Variants in TMEM131L observed in about 807,000 individuals in gnomAD.
The protein encoded by TMEM131L is transmembrane 131 like.
Under a neutral mutation model 192.2 loss-of-function variants are expected in TMEM131L, and 54 were observed. The observed-to-expected ratio is 0.28, with a 90% CI of 0.23 to 0.35. The LOEUF is 0.35. Among genes scored for constraint, TMEM131L ranks in the 10% least tolerant of loss-of-function variants. The pLI, the probability that TMEM131L is intolerant of heterozygous loss-of-function variation, is 1.00. For synonymous variants in TMEM131L, 701 were observed against 704.9 expected (o/e 0.99, Z 0.09); for missense variants, 1,888 against 1,972.9 (o/e 0.96, Z 0.82).
At chr4:153,622,108 A>G (rs1454786296) in intron 28 of TMEM131L, among the ~76,000 whole-genome samples, 3 of 152,176 alleles carry the variant, frequency 2.0e-5, no homozygotes. Context: ...TGCTGAAGGA[A>G]TGATGCTTGC....
At chr4:153,516,390 G>A (rs950780836) in intron 3 of TMEM131L, among the ~76,000 whole-genome samples, 1 of 151,878 alleles carries the variant, frequency 6.6e-6, no homozygotes. Context: ...CCACTGTGCC[G>A]GGCTAATTGT....
chr4:153,583,255 G>A lies in TMEM131L; in HGVS notation c.951+7G>A, dbSNP rs745566997. Reference sequence around the variant, plus strand: ...CAGCCTTATATGGATACAGGTAATTGTAAATGCTTACCTAAAGTAACTTTT... The same window carrying A: ...CAGCCTTATATGGATACAGGTAATTATAAATGCTTACCTAAAGTAACTTTT... On this transcript the variant is annotated splice_region_variant and intron_variant, in intron 10 of 34. Coordinates refer to ENST00000409959, the MANE Select transcript of TMEM131L (RefSeq NM_001131007.2). The A allele has an allele frequency of 1.5e-6, 2 of 1,325,056 alleles. No homozygotes were observed. Among genetic ancestry groups the A allele is most frequent in the Admixed American group, 1.7e-5 (1 of 58,320 alleles). The allele number at this position is 1,325,056 out of a possible 1,614,324, so 82.1% of individuals were successfully genotyped here.
intron 17 of TMEM131L, 43 bp downstream of exon 17, chr4:153,591,237 C>T (rs756596662): frequency 6.6e-7 from 1 of 1,525,390 alleles, no homozygotes; most frequent in Non-Finnish European, 8.8e-7. Flanking sequence ...AGTGACTCCC[C>T]AGTGCTTGGG....
intron 4 of TMEM131L, among the ~76,000 whole-genome samples, chr4:153,550,532 T>C (rs950346866): frequency 2.6e-5 from 4 of 152,192 alleles, no homozygotes; most frequent in Non-Finnish European, 5.9e-5. Context: ...TTCACCGTGT[T>C]CGCCAGGATG....
At position 153,604,503 on chromosome 4, in the gene TMEM131L, C is replaced by T. The variant is rs542003129; in HGVS notation, c.3418+73C>T. 3.6e-6 allele frequency: 5 copies of T among 1,392,682 alleles called. No individual in the cohort carries two copies. In the African/African-American group the frequency reaches 5.8e-5, roughly 16 times the overall value. 86.3% of individuals were successfully genotyped at this position (1,392,682 alleles called of 1,614,324 possible). A position where few individuals can be genotyped will look rare whatever the true frequency, so the allele number is the denominator to read the frequency against. Reference sequence around the variant, plus strand: ...CTGTTTTTAATGGAATTGTTCTCACCTGTGACCGTTAGTTTTAATTGTGGA... The same window carrying T: ...CTGTTTTTAATGGAATTGTTCTCACTTGTGACCGTTAGTTTTAATTGTGGA... On this transcript the variant is annotated intron_variant, in intron 25 of 34. Transcript: ENST00000409959.
chr4:153,570,369 A>G (rs1437908180), intron 7 of TMEM131L, among the ~76,000 whole-genome samples: 4 of 152,176 alleles, frequency 2.6e-5, no homozygotes, highest in African/African-American at 7.2e-5. Context: ...GCTTGAATTC[A>G]TGCTGGTTGT....
chr4:153,548,810 A>C (rs746712281), intron 3 of TMEM131L, among the ~76,000 whole-genome samples: 2 of 152,010 alleles, frequency 1.3e-5, no homozygotes, highest in Non-Finnish European at 2.9e-5. Flanking sequence ...CTTCAAGAAA[A>C]ATGGGGCCTT....
chr4:153,473,640 A>C (rs1193756127), intron 2 of TMEM131L, among the ~76,000 whole-genome samples: 1 of 152,112 alleles, frequency 6.6e-6, no homozygotes, highest in Admixed American at 6.5e-5. Context: ...AAAAATACAA[A>C]AATTAGCCAG....
intron 25 of TMEM131L, among the ~76,000 whole-genome samples, chr4:153,606,505 ATTC>A (rs1173789172): frequency 1.3e-5 from 2 of 152,200 alleles, no homozygotes; most frequent in Non-Finnish European, 2.9e-5. Context: ...GAGGATTTGA[ATTC>A]TTCTTCAGGA....
intron 7 of TMEM131L, among the ~76,000 whole-genome samples, chr4:153,560,767 A>G (rs1030146467): frequency 4.6e-5 from 7 of 152,362 alleles, no homozygotes; most frequent in Admixed American, 6.5e-5. Context: ...ATTGTAGGAT[A>G]TGCCACATTT....
chr4:153,512,090 CTTT>C (rs142215017), intron 3 of TMEM131L, among the ~76,000 whole-genome samples: 32,579 of 151,902 alleles, frequency 0.21, 6,505 homozygotes, highest in African/African-American at 0.52. Context: ...GTTTCCAACT[CTTT>C]TGAAAGAGTT....
chr4:153,506,548 T>TA (rs1309757893), intron 3 of TMEM131L, among the ~76,000 whole-genome samples: 1 of 152,050 alleles, frequency 6.6e-6, no homozygotes, highest in Admixed American at 6.6e-5. Context: ...AAATGACTGA[T>TA]ACTAAGTATT....
At chr4:153,466,737 C>A (rs527447582) in intron 1 of TMEM131L, among the ~76,000 whole-genome samples, 11 of 152,268 alleles carry the variant, frequency 7.2e-5, no homozygotes, top group African/African-American at 1.9e-4. Flanking sequence ...GCGGGGCAGT[C>A]GCGGGGCTTG....
intron 3 of TMEM131L, among the ~76,000 whole-genome samples, chr4:153,486,902 T>C (rs1475882745): frequency 1.3e-5 from 2 of 152,206 alleles, no homozygotes; most frequent in African/African-American, 4.8e-5. Context: ...GACAGCAGTG[T>C]GTGCTATGCT....
At chr4:153,582,617 G>A (rs188131208) in intron 9 of TMEM131L, among the ~76,000 whole-genome samples, 16 of 151,870 alleles carry the variant, frequency 1.1e-4, no homozygotes, top group Admixed American at 3.3e-4. Flanking sequence ...TTACCTTTCA[G>A]TCTTCAGAGC....
In TMEM131L at chr4:153,612,373, T is replaced by C. The variant is rs1389861048; in HGVS notation, c.3540T>C (p.Ser1180=). 6.3e-7 allele frequency: 1 copy of C among 1,596,070 alleles called. No homozygotes were observed. Among genetic ancestry groups the C allele is most frequent in the South Asian group, 1.2e-5 (1 of 84,598 alleles). ...AAACATCTAGAGAAGACATGTTTTC[T>C]GAGAAACAGGACATACCTTTCGTAG... ...IHKTSREDMF[S]EKQDIPFVEQ... The change falls in exon 26 of 35, where the codon TCT becomes TCC. Residue 1180 remains serine (S), a synonymous_variant. Coordinates refer to ENST00000409959, the MANE Select transcript of TMEM131L (RefSeq NM_001131007.2).
At chr4:153,564,891 C>T (rs1244360335) in intron 7 of TMEM131L, among the ~76,000 whole-genome samples, 1 of 152,254 alleles carries the variant, frequency 6.6e-6, no homozygotes, top group Non-Finnish European at 1.5e-5. Flanking sequence ...CAGCTTCTCC[C>T]TCCAGGCTCA....
Position 153,621,731 on chromosome 4 carries a change from G to T in TMEM131L, c.3741G>T (p.Arg1247Ser), listed in dbSNP as rs774310838. 1.9e-6 allele frequency: 3 copies of T among 1,614,164 alleles called. No individual in the cohort carries two copies. The African/African-American group carries it at 4.0e-5, about 22-fold the overall frequency. ...DLKLVCSDFE[R>S]SELSSDINVR... is the part of the protein sequence containing the mutation. ...AGCTTGTGTGCAGTGACTTTGAGAG[G>T]TCTGAGCTGAGCAGTGACATCAATG... The change falls in exon 28 of 35, where the codon AGG (arginine) becomes AGT (serine). Residue 1247 changes from arginine (R) to serine (S), a missense_variant. Coordinates refer to ENST00000409959, the MANE Select transcript of TMEM131L (RefSeq NM_001131007.2).
Position 153,466,492 on chromosome 4 carries a change from G to A in TMEM131L, c.95G>A (p.Cys32Tyr). The A allele has an allele frequency of 3.5e-6, 5 of 1,409,816 alleles. No individual in the cohort carries two copies. The highest frequency in any genetic ancestry group is 1.5e-5 in the South Asian group (1 of 66,334). 87.3% of individuals were successfully genotyped at this position (1,409,816 alleles called of 1,614,324 possible). Residue 32 changes from cysteine (C) to tyrosine (Y), a missense_variant, in exon 1 of 35, where the codon TGC (cysteine) becomes TAC (tyrosine). Transcript: ENST00000409959. ...GGCGTCTTCCAGGTCCTGCTGCCCTGCTGTCGCCCGGGAGGGGCTCAGGGA... is the reference window on the plus strand; with the variant it reads ...GGCGTCTTCCAGGTCCTGCTGCCCTACTGTCGCCCGGGAGGGGCTCAGGGA... Reference protein sequence around the residue: ...LLGVFQVLLPCCRPGGAQGQA... With the variant: ...LLGVFQVLLPYCRPGGAQGQA...
Sources: gnomAD v4.1 joint callset for allele counts (sites outside exome capture counted in the v4.1 genomes callset) on GRCh38, gnomAD v4.1.1 for gene constraint, MANE v1.5 for transcripts, NCBI Gene and HGNC (gene_info 2026-07-23, HGNC 2026-07-21) for gene names.